Variants in STK39 observed in about 807,000 individuals in gnomAD.
STK39 encodes the protein serine/threonine kinase 39.
Under a neutral mutation model 77.8 loss-of-function variants are expected in STK39, and 20 were observed. That is an observed-to-expected ratio of 0.26 (90% CI 0.18 to 0.37). STK39 has a LOEUF of 0.37. Ranked by LOEUF, STK39 falls within the 10% of genes least tolerant of loss-of-function variation. The pLI is 1.00. For missense variants in STK39, 479 were observed against 656.5 expected, an observed-to-expected ratio of 0.73 and a Z score of 2.95; for synonymous variants, 246 against 234.1, an observed-to-expected ratio of 1.05 and a Z score of -0.47.
At chr2:168,197,627 T>A (rs1689504794) in intron 1 of STK39, among the ~76,000 whole-genome samples, 1 of 152,248 alleles carries the variant, frequency 6.6e-6, no homozygotes, top group South Asian at 2.1e-4. Flanking sequence ...TATAAAGAAA[T>A]GTTACGTATA....
intron 1 of STK39, among the ~76,000 whole-genome samples, chr2:168,221,641 C>T (rs1178043710): frequency 6.6e-6 from 1 of 152,072 alleles, no homozygotes; most frequent in Non-Finnish European, 1.5e-5. Flanking sequence ...GGAGATGGAA[C>T]GATTAGTTAC....
chr2:168,162,665 C>G (rs935364516), intron 4 of STK39, among the ~76,000 whole-genome samples: 3 of 152,066 alleles, frequency 2.0e-5, no homozygotes, highest in African/African-American at 7.2e-5. Context: ...CCTGTGTAAT[C>G]TTAGTACTTT....
chr2:168,184,734 T>G (rs1404019397), intron 1 of STK39, among the ~76,000 whole-genome samples: 2 of 151,964 alleles, frequency 1.3e-5, no homozygotes, highest in Non-Finnish European at 2.9e-5. Flanking sequence ...AGGCCAGCAT[T>G]GTTTAAGGGA....
chr2:168,247,084 AAAAAAC>A, intron 1 of STK39, 138 bp downstream of exon 1: 1 of 298,952 alleles, frequency 3.3e-6, no homozygotes, highest in Non-Finnish European at 4.9e-6. Flanking sequence ...AAAAAAAAAA[AAAAAAC>A]TGTTGAAGCC....
chr2:168,015,396 A>G (rs985594509), intron 15 of STK39, among the ~76,000 whole-genome samples: 2 of 152,268 alleles, frequency 1.3e-5, no homozygotes, highest in South Asian at 2.1e-4. Context: ...CAATAGTCAC[A>G]GAGGTGCAGT....
At chr2:168,150,858 G>GGA (rs1688261087) in intron 5 of STK39, among the ~76,000 whole-genome samples, 2 of 151,966 alleles carry the variant, frequency 1.3e-5, no homozygotes, top group Admixed American at 6.5e-5. Flanking sequence ...ATCTTGCTTG[G>GGA]GAGAGAACCT....
chr2:168,022,474 G>A (rs1044719122), intron 14 of STK39, among the ~76,000 whole-genome samples: 5 of 152,176 alleles, frequency 3.3e-5, no homozygotes, highest in Admixed American at 3.3e-4. Flanking sequence ...CCCATCTAAA[G>A]GGGACAACCA....
At chr2:167,991,319 G>C (rs532833898) in intron 16 of STK39, among the ~76,000 whole-genome samples, 38 of 145,094 alleles carry the variant, frequency 2.6e-4, no homozygotes, top group African/African-American at 9.0e-4. Context: ...ATTAACACTG[G>C]AATACCCAGC....
intron 12 of STK39, among the ~76,000 whole-genome samples, chr2:168,070,215 C>T (rs935968696): frequency 7.9e-5 from 12 of 152,068 alleles, no homozygotes; most frequent in Non-Finnish European, 1.0e-4. Flanking sequence ...ATCCAGCTAG[C>T]GAGCTGTCTT....
chr2:168,119,539 C>A (rs1490587959), intron 10 of STK39, among the ~76,000 whole-genome samples: 1 of 152,108 alleles, frequency 6.6e-6, no homozygotes, highest in Non-Finnish European at 1.5e-5. Context: ...AATCTCCTGC[C>A]CAGTAAAGTA....
At chr2:168,056,853 G>A (rs888103254) in intron 14 of STK39, among the ~76,000 whole-genome samples, 1 of 152,170 alleles carries the variant, frequency 6.6e-6, no homozygotes, top group African/African-American at 2.4e-5. Context: ...TATCACACAG[G>A]ATGGTTTAGA....
At chr2:168,132,898 G>T (rs1687735636) in intron 8 of STK39, among the ~76,000 whole-genome samples, 1 of 152,160 alleles carries the variant, frequency 6.6e-6, no homozygotes, top group Non-Finnish European at 1.5e-5. Flanking sequence ...CAAATATGGG[G>T]GAAAGTGATG....
At chr2:168,120,759 A>G (rs950877716) in intron 10 of STK39, among the ~76,000 whole-genome samples, 26 of 152,210 alleles carry the variant, frequency 1.7e-4, no homozygotes, top group African/African-American at 6.0e-4. Flanking sequence ...CCTCCCAAAC[A>G]TAGCTATTAT....
rs959282510 is a variant in STK39, at chr2:168,124,365, C to G, written c.1089+5176G>C. Among the ~76,000 whole-genome samples, 9 of 151,974 alleles carry G rather than the reference C, an allele frequency of 5.9e-5. 1 individual carries two copies. Among genetic ancestry groups the G allele is most frequent in the African/African-American group, 2.2e-4 (9 of 41,388 alleles). On this transcript the variant is annotated intron_variant, in intron 10 of 17. Transcript: ENST00000355999. ...TTCAGACATTTGCATAGCTACGAGC[C>G]CCTTGCCCTCTGTCCTGCCATATGT...
At chr2:168,056,734 A>T (rs1448631186) in intron 14 of STK39, among the ~76,000 whole-genome samples, 1 of 152,196 alleles carries the variant, frequency 6.6e-6, no homozygotes, top group East Asian at 1.9e-4. Context: ...ATGCATTCAC[A>T]TATATCAGAG....
chr2:168,198,682 C>T (rs1160522005), intron 1 of STK39, among the ~76,000 whole-genome samples: 1 of 152,156 alleles, frequency 6.6e-6, no homozygotes, highest in Non-Finnish European at 1.5e-5. Context: ...AAATCAAATA[C>T]GGACTTAGCA....
Position 168,238,293 on chromosome 2 carries a change from G to GT in STK39, c.208+8934dup, listed in dbSNP as rs533317460. 5.3e-3 allele frequency among the ~76,000 whole-genome samples: 814 copies of GT among 152,200 alleles called. 3 individuals carry two copies. Among genetic ancestry groups the GT allele is most frequent in the Middle Eastern group, 0.017 (5 of 294 alleles). On this transcript the variant is annotated intron_variant, in intron 1 of 17. Transcript: ENST00000355999. ...GTCATCCACCTCTACTTTCCATCTA[G>GT]TTTTTTCTGACAAATAGCTCCAGTG...
chr2:167,967,688 C>T (rs938018054), intron 16 of STK39, among the ~76,000 whole-genome samples: 2 of 152,160 alleles, frequency 1.3e-5, no homozygotes, highest in African/African-American at 2.4e-5. Flanking sequence ...CCACTGGAGG[C>T]AAGGCAGCGG....
intron 14 of STK39, among the ~76,000 whole-genome samples, chr2:168,051,521 A>G (rs1228157996): frequency 1.3e-5 from 2 of 152,188 alleles, no homozygotes; most frequent in Non-Finnish European, 2.9e-5. Flanking sequence ...AGAGTCCCCA[A>G]AACATAACCA....
Sources: allele counts gnomAD v4.1 joint callset (sites outside exome capture counted in the v4.1 genomes callset), GRCh38; gene constraint gnomAD v4.1.1; transcripts MANE v1.5; gene names NCBI Gene and HGNC (gene_info 2026-07-23, HGNC 2026-07-21).